ESRRG: variants seen among roughly 807,000 people sequenced by gnomAD.
ESRRG encodes the protein estrogen related receptor gamma.
ESRRG carries 13 observed loss-of-function variants against 44.0 expected under a neutral mutation model. That is an observed-to-expected ratio of 0.30 (90% CI 0.19 to 0.47). The LOEUF (loss-of-function observed/expected upper bound fraction) is 0.47, where lower values mean the gene tolerates loss of function less well. Among genes scored for constraint, ESRRG ranks in the 20% least tolerant of loss-of-function variants. ESRRG has a pLI of 1.00. For synonymous variants in ESRRG, 215 were observed against 214.6 expected, an observed-to-expected ratio of 1.00 and a Z score of -0.02; for missense variants, 395 against 580.6, an observed-to-expected ratio of 0.68 and a Z score of 3.29.
intron 3 of ESRRG, among the ~76,000 whole-genome samples, chr1:216,609,574 T>C (rs569697660): frequency 1.3e-5 from 2 of 152,280 alleles, no homozygotes; most frequent in South Asian, 4.1e-4. Flanking sequence ...TTCAATAATA[T>C]CCATTTTATG....
upstream of ESRRG, among the ~76,000 whole-genome samples, chr1:217,090,127 G>C (rs1266771566): frequency 6.6e-6 from 1 of 152,132 alleles, no homozygotes; most frequent in African/African-American, 2.4e-5. Context: ...GTGCATATGC[G>C]TGTGATTTTT....
At chr1:216,758,310 T>C (rs930398822) in intron 2 of ESRRG, among the ~76,000 whole-genome samples, 5 of 152,074 alleles carry the variant, frequency 3.3e-5, no homozygotes, top group African/African-American at 1.2e-4. Context: ...TTAATGTCAT[T>C]AGCGATTGTT....
At chr1:216,757,130 C>T (rs11572643) in intron 2 of ESRRG, among the ~76,000 whole-genome samples, 3,383 of 152,122 alleles carry the variant, frequency 0.022, 57 homozygotes, top group Non-Finnish European at 0.031. Flanking sequence ...GACTGTAAAT[C>T]TTTATTATAA....
At chr1:216,544,333 T>C (rs1211858256) in intron 5 of ESRRG, among the ~76,000 whole-genome samples, 1 of 152,172 alleles carries the variant, frequency 6.6e-6, no homozygotes, top group East Asian at 1.9e-4. Context: ...TTAAAAATAA[T>C]TACATATTTC....
chr1:216,517,406 G>C (rs1222049047), intron 6 of ESRRG, among the ~76,000 whole-genome samples: 1 of 152,066 alleles, frequency 6.6e-6, no homozygotes, highest in Non-Finnish European at 1.5e-5. Flanking sequence ...AATTATAATA[G>C]TCATAAAGTA....
At chr1:217,098,094 A>G (rs920473448) in intron 1 of ESRRG, among the ~76,000 whole-genome samples, 2 of 152,152 alleles carry the variant, frequency 1.3e-5, no homozygotes, top group African/African-American at 4.8e-5. Flanking sequence ...GTGGCCAGTT[A>G]ATTTCATGGA....
intron 2 of ESRRG, among the ~76,000 whole-genome samples, chr1:216,767,580 T>C (rs2093147363): frequency 6.6e-6 from 1 of 152,162 alleles, no homozygotes; most frequent in South Asian, 2.1e-4. Context: ...TTGCTACTAG[T>C]ACAGTTTACT....
intron 1 of ESRRG, among the ~76,000 whole-genome samples, chr1:216,682,815 C>T (rs562134100): frequency 6.6e-6 from 1 of 151,470 alleles, no homozygotes; most frequent in South Asian, 2.1e-4. Context: ...GCCCATGACC[C>T]CAGCAGCTCC....
chr1:216,768,484 A>ATCTATCTATCTATCTATCTATCTGTCTG (rs1553593223), intron 2 of ESRRG, among the ~76,000 whole-genome samples: 8 of 151,548 alleles, frequency 5.3e-5, no homozygotes, highest in African/African-American at 1.9e-4. Flanking sequence ...CTATCTATCT[A>ATCTATCTATCTATCTATCTATCTGTCTG]TCTATCTATC....
intron 2 of ESRRG, among the ~76,000 whole-genome samples, chr1:216,837,165 T>G (rs2095578320): frequency 6.6e-6 from 1 of 151,902 alleles, no homozygotes; most frequent in Non-Finnish European, 1.5e-5. Flanking sequence ...ATCCTAACAC[T>G]TTGGGAGGCC....
intron 2 of ESRRG, among the ~76,000 whole-genome samples, chr1:216,804,264 G>A (rs1382697558): frequency 6.6e-6 from 1 of 152,020 alleles, no homozygotes; most frequent in Non-Finnish European, 1.5e-5. Flanking sequence ...TAACAACCCC[G>A]GGCCGGCAGC....
chr1:216,520,374 C>A (rs1269656519), intron 5 of ESRRG, among the ~76,000 whole-genome samples: 2 of 152,042 alleles, frequency 1.3e-5, no homozygotes, highest in Non-Finnish European at 2.9e-5. Context: ...CCTATGTGAT[C>A]AATTCTTTTC....
Position 217,063,064 on chromosome 1 carries a change from G to T in ESRRG, c.-106+26443C>A, listed in dbSNP as rs914450755. On this transcript the variant is annotated intron_variant, in intron 1 of 7. Transcript: ENST00000359162. Reference sequence around the variant, plus strand: ...AGAATATCTGATCTGGGACTTCGGGGTTTTATATATTGTTACCCTTCCCCT... The same window carrying T: ...AGAATATCTGATCTGGGACTTCGGGTTTTTATATATTGTTACCCTTCCCCT... 5.9e-5 allele frequency among the ~76,000 whole-genome samples: 9 copies of T among 152,048 alleles called. No individual in the cohort carries two copies. In the East Asian group the frequency reaches 1.7e-3, roughly 29 times the overall value.
At chr1:216,664,951 A>G (rs1280824146) in intron 2 of ESRRG, among the ~76,000 whole-genome samples, 3 of 152,196 alleles carry the variant, frequency 2.0e-5, no homozygotes, top group Non-Finnish European at 4.4e-5. Context: ...ATTATTTACA[A>G]TAGCCAAGAG....
intron 2 of ESRRG, among the ~76,000 whole-genome samples, chr1:216,673,586 G>A (rs1476712676): frequency 1.3e-5 from 2 of 152,216 alleles, no homozygotes; most frequent in African/African-American, 2.4e-5. Context: ...GCTTTGCTCT[G>A]TTAAGCTTTT....
chr1:217,037,210 T>C (rs913343354), intron 1 of ESRRG, among the ~76,000 whole-genome samples: 1 of 152,240 alleles, frequency 6.6e-6, no homozygotes, highest in African/African-American at 2.4e-5. Flanking sequence ...GAAGACTATT[T>C]GCACTACTCC....
At chr1:216,806,586 A>G (rs968862629) in intron 2 of ESRRG, among the ~76,000 whole-genome samples, 2 of 152,200 alleles carry the variant, frequency 1.3e-5, no homozygotes, top group African/African-American at 4.8e-5. Context: ...TCAAATTAAT[A>G]CCCAGCTGCA....
intron 2 of ESRRG, among the ~76,000 whole-genome samples, chr1:216,872,910 T>C (rs970198595): frequency 6.6e-6 from 1 of 152,210 alleles, no homozygotes; most frequent in Non-Finnish European, 1.5e-5. Flanking sequence ...TTTGAGACTA[T>C]GTGTCTTGCT....
chr1:216,825,644 G>C (rs1416810784), intron 2 of ESRRG, among the ~76,000 whole-genome samples: 3 of 152,150 alleles, frequency 2.0e-5, no homozygotes, highest in Non-Finnish European at 4.4e-5. Flanking sequence ...AAATAAGTTT[G>C]ATTCCTATGG....
Sources: allele counts gnomAD v4.1 joint callset (sites outside exome capture counted in the v4.1 genomes callset), GRCh38; gene constraint gnomAD v4.1.1; transcripts MANE v1.5; gene names NCBI Gene and HGNC (gene_info 2026-07-23, HGNC 2026-07-21).